H2AZ2: variants seen among roughly 807,000 people sequenced by gnomAD.
H2AZ2 encodes histone H2A.V.
Under a neutral mutation model 15.5 loss-of-function variants are expected in H2AZ2, and 5 were observed. The observed-to-expected ratio is 0.32, with a 90% confidence interval of 0.17 to 0.68. The LOEUF (loss-of-function observed/expected upper bound fraction) is 0.68, where lower values mean the gene tolerates loss of function less well. H2AZ2 is among the 30% of genes least tolerant of loss of function. H2AZ2 has a pLI of 0.72. For synonymous variants in H2AZ2, 44 were observed against 57.4 expected (o/e 0.77, Z 1.05); for missense variants, 42 against 162.5 (o/e 0.26, Z 4.03).
intron 2 of H2AZ2, among the ~76,000 whole-genome samples, chr7:44,841,699 T>C (rs868235881): frequency 6.6e-6 from 1 of 152,008 alleles, no homozygotes; most frequent in African/African-American, 2.4e-5. Context: ...AGAGACAGGG[T>C]TTTGAGTGAT....
rs1265800759 is a variant in H2AZ2, at chr7:44,832,160, G to C, written c.*2341C>G. Among the ~76,000 whole-genome samples the C allele has an allele frequency of 6.6e-6, 1 of 152,050 alleles. No individual in the cohort carries two copies. Among genetic ancestry groups the C allele is most frequent in the East Asian group, 1.9e-4 (1 of 5,196 alleles). ...TTATATTAACAAAATGCAAGATCTA[G>C]ATCTTGCCTGGATCTTGACTCGAAT... On this transcript the variant is annotated 3_prime_UTR_variant, in exon 5 of 5. Transcript: ENST00000308153.
At chr7:44,835,484 G>T in intron 4 of H2AZ2, 45 bp downstream of exon 4, 1 of 1,562,128 alleles carries the variant, frequency 6.4e-7, no homozygotes, top group Non-Finnish European at 8.8e-7. Flanking sequence ...CGATATATTA[G>T]TCAGAAAGAC....
intron 1 of H2AZ2, among the ~76,000 whole-genome samples, chr7:44,845,248 A>C (rs1048751288): frequency 6.6e-6 from 1 of 152,184 alleles, no homozygotes; most frequent in African/African-American, 2.4e-5. Flanking sequence ...AGGAAAAATA[A>C]AAATCTAAGA....
chr7:44,833,660 G>T lies in H2AZ2; in HGVS notation c.*841C>A. 2 of 985,026 alleles carry T rather than the reference G, an allele frequency of 2.0e-6. No homozygotes were observed. Among genetic ancestry groups the T allele is most frequent in the African/African-American group, 1.7e-5 (1 of 57,350 alleles). 61.0% of individuals were successfully genotyped at this position (985,026 alleles called of 1,614,324 possible). A position where few individuals can be genotyped will look rare whatever the true frequency, so the allele number is the denominator to read the frequency against. ...ACCACAATGCCAGGCCAAAAATTGG[G>T]ATTTTAAACCAAAAGGAGAAACCTT... On this transcript the variant is annotated 3_prime_UTR_variant, in exon 5 of 5. Coordinates refer to ENST00000308153, the MANE Select transcript of H2AZ2 (RefSeq NM_012412.5).
In H2AZ2 at chr7:44,833,509, A is replaced by G. The variant is rs1305028272; in HGVS notation, c.*992T>C. 1 of 166,200 alleles carries G rather than the reference A, an allele frequency of 6.0e-6. No homozygotes were observed. The highest frequency in any genetic ancestry group is 1.2e-5 in the Non-Finnish European group (1 of 81,010). 10.3% of individuals were successfully genotyped at this position (166,200 alleles called of 1,614,324 possible). ...CTTGGCCTCCCAAAGTGCTGGGATT[A>G]CAGGCGTGAGCCACCGCGCCTGGCC... is the stretch of plus-strand genomic sequence containing the variant. On this transcript the variant is annotated 3_prime_UTR_variant, in exon 5 of 5. Coordinates refer to ENST00000308153, the MANE Select transcript of H2AZ2 (RefSeq NM_012412.5).
chr7:44,840,856 C>A (rs780135530), intron 3 of H2AZ2, 43 bp downstream of exon 3: 10 of 1,311,612 alleles, frequency 7.6e-6, no homozygotes, highest in Middle Eastern at 3.7e-4. Flanking sequence ...GAGACTAGTG[C>A]ACCTTCTGGA....
In H2AZ2 at chr7:44,844,970, C is replaced by T. The variant is rs1427451723; in HGVS notation, c.4-1616G>A. ...AACTAATTTTCTCTCATATATTTTG[C>T]TTTTACCATTTAAACAGATTATTTC... On this transcript the variant is annotated intron_variant, in intron 1 of 4. Coordinates refer to ENST00000308153, the MANE Select transcript of H2AZ2 (RefSeq NM_012412.5). Among the ~76,000 whole-genome samples, 7 of 152,084 alleles carry T rather than the reference C, an allele frequency of 4.6e-5. No individual in the cohort carries two copies. In the East Asian group the frequency reaches 1.3e-3, roughly 29 times the overall value.
At chr7:44,834,671 ATACTGT>A in intron 4 of H2AZ2, 109 bp from the exon 5 acceptor site, 1 of 1,020,520 alleles carries the variant, frequency 9.8e-7, no homozygotes, top group Non-Finnish European at 1.4e-6. Flanking sequence ...TCATATTCTG[ATACTGT>A]TAAACTATCT....
chr7:44,840,293 G>C (rs1793243139), intron 3 of H2AZ2, among the ~76,000 whole-genome samples: 1 of 152,118 alleles, frequency 6.6e-6, no homozygotes, highest in South Asian at 2.1e-4. Flanking sequence ...CTGTCACCCA[G>C]CCTAGTCTGG....
At chr7:44,843,410 A>T (rs1793325392) in intron 1 of H2AZ2, 56 bp from the exon 2 acceptor site, 2 of 1,175,278 alleles carry the variant, frequency 1.7e-6, no homozygotes, top group Non-Finnish European at 2.5e-6. Context: ...CTACTTCAAA[A>T]ATATTCTGGA....
chr7:44,837,131 T>C (rs917769581), intron 3 of H2AZ2, among the ~76,000 whole-genome samples: 4 of 152,064 alleles, frequency 2.6e-5, no homozygotes, highest in African/African-American at 7.2e-5. Context: ...ATCAAACTCC[T>C]GACCTTGTGA....
Position 44,833,437 on chromosome 7 carries a change from A to G in H2AZ2, c.*1064T>C, listed in dbSNP as rs527241683. Among the ~76,000 whole-genome samples the G allele has an allele frequency of 1.8e-4, 27 of 152,166 alleles. No homozygotes were observed. Among genetic ancestry groups the G allele is most frequent in the Middle Eastern group, 3.4e-3 (1 of 294 alleles). On this transcript the variant is annotated 3_prime_UTR_variant, in exon 5 of 5. Transcript: ENST00000308153. ...TTTTAAATAGAGACGGGGTTTCACCATGTTAGCCAGGATGGTCTCGATTTC... is the reference window on the plus strand; with the variant it reads ...TTTTAAATAGAGACGGGGTTTCACCGTGTTAGCCAGGATGGTCTCGATTTC...
chr7:44,840,698 G>C (rs575548501), intron 3 of H2AZ2, among the ~76,000 whole-genome samples: 1 of 152,324 alleles, frequency 6.6e-6, no homozygotes, highest in East Asian at 1.9e-4. Context: ...TTGAATCCGG[G>C]AGGCAGAGGT....
Position 44,832,144 on chromosome 7 carries a change from C to T in H2AZ2, c.*2357G>A, listed in dbSNP as rs1216185658. Among the ~76,000 whole-genome samples the T allele has an allele frequency of 6.6e-6, 1 of 151,968 alleles. No homozygotes were observed. Among genetic ancestry groups the T allele is most frequent in the Non-Finnish European group, 1.5e-5 (1 of 67,994 alleles). Reference sequence around the variant, plus strand: ...AAGTTAAATCTATAGATTATATTAACAAAATGCAAGATCTAGATCTTGCCT... The same window carrying T: ...AAGTTAAATCTATAGATTATATTAATAAAATGCAAGATCTAGATCTTGCCT... On this transcript the variant is annotated 3_prime_UTR_variant, in exon 5 of 5. Coordinates refer to ENST00000308153, the MANE Select transcript of H2AZ2 (RefSeq NM_012412.5).
In H2AZ2 at chr7:44,834,232, T is replaced by C. The variant is rs923983882; in HGVS notation, c.*269A>G. ...ACAGAACAGTTTTGAGACAAATTAA[T>C]TTTGTAAAAAATGGTTTATCAATTC... On this transcript the variant is annotated 3_prime_UTR_variant, in exon 5 of 5. Coordinates refer to ENST00000308153, the MANE Select transcript of H2AZ2 (RefSeq NM_012412.5). 4.1e-6 allele frequency: 5 copies of C among 1,210,190 alleles called. No individual in the cohort carries two copies. In the African/African-American group the frequency reaches 4.6e-5, roughly 11 times the overall value. 75.0% of individuals were successfully genotyped at this position (1,210,190 alleles called of 1,614,324 possible).
chr7:44,837,433 G>GAAAAAAAAAAAAAAAA (rs71011996), intron 3 of H2AZ2, among the ~76,000 whole-genome samples: 3 of 87,270 alleles, frequency 3.4e-5, no homozygotes, highest in African/African-American at 4.3e-5. Context: ...AAAAAAAAAA[G>GAAAAAAAAAAAAAAAA]AAAAAAAAAA....
At chr7:44,827,618 T>A (rs537874775), downstream of H2AZ2, 6 of 152,338 alleles carry the variant, frequency 3.9e-5, no homozygotes, top group East Asian at 9.6e-4. Flanking sequence ...TTTTTTAAAA[T>A]TTTAAAAGGT....
chr7:44,833,703 A>T lies in H2AZ2; in HGVS notation c.*798T>A. On this transcript the variant is annotated 3_prime_UTR_variant, in exon 5 of 5. Transcript: ENST00000308153. ...GAAACCTTTGATAAACTGAACATCA[A>T]TTCCAGGTAAAACTAGGCTCTGGAG... The T allele has an allele frequency of 2.0e-6, 2 of 985,352 alleles. No homozygotes were observed. The highest frequency in any genetic ancestry group is 3.5e-5 in the African/African-American group (2 of 57,372). The allele number at this position is 985,352 out of a possible 1,614,324, so 61.0% of individuals were successfully genotyped here.
chr7:44,840,021 A>G (rs1159180521), intron 3 of H2AZ2, among the ~76,000 whole-genome samples: 5 of 150,316 alleles, frequency 3.3e-5, no homozygotes, highest in Admixed American at 3.3e-4. Flanking sequence ...AAATAAATAA[A>G]TAAATAAATA....
Sources: gnomAD v4.1 joint callset for allele counts (sites outside exome capture counted in the v4.1 genomes callset) on GRCh38, gnomAD v4.1.1 for gene constraint, MANE v1.5 for transcripts, NCBI Gene and HGNC (gene_info 2026-07-23, HGNC 2026-07-21) for gene names.